PLEKHB2: variants seen among roughly 807,000 people sequenced by gnomAD.
PLEKHB2 encodes pleckstrin homology domain containing B2.
A neutral mutation model predicts 36.5 loss-of-function variants in PLEKHB2; 31 were observed. The ratio of observed to expected loss-of-function variants is 0.85; its 90% CI spans 0.64 to 1.15. PLEKHB2 has a LOEUF of 1.15. PLEKHB2 is among the 50% of genes most tolerant of loss of function. The pLI is 0.00. For synonymous variants in PLEKHB2, 119 were observed against 112.0 expected, an observed-to-expected ratio of 1.06 and a Z score of -0.39; for missense variants, 262 against 295.3, an observed-to-expected ratio of 0.89 and a Z score of 0.83.
chr2:131,130,535 C>T (rs1449681740), intron 4 of PLEKHB2, among the ~76,000 whole-genome samples, 186 bp from the exon 5 acceptor site: 1 of 152,110 alleles, frequency 6.6e-6, no homozygotes, highest in Non-Finnish European at 1.5e-5. Flanking sequence ...TTAAATATTA[C>T]ATATCTATTA....
At chr2:131,142,501 A>G (rs1381254279) in intron 7 of PLEKHB2, among the ~76,000 whole-genome samples, 1 of 150,680 alleles carries the variant, frequency 6.6e-6, no homozygotes, top group African/African-American at 2.4e-5. Context: ...TATTGTAGAT[A>G]CTTCTTTGAA....
At position 131,132,913 on chromosome 2, in the gene PLEKHB2, C is replaced by T; in HGVS notation, c.345C>T (p.Gly115=). ...QDSRTNTAYV[G]SAVMTDETSV... ...CCTGTCTCCCGCAGGCGTATGTGGGCTCTGCAGTCATGACCGATGAGACAT... is the reference window on the plus strand; with the variant it reads ...CCTGTCTCCCGCAGGCGTATGTGGGTTCTGCAGTCATGACCGATGAGACAT... The change falls in exon 6 of 8, where the codon GGC becomes GGT. Residue 115 remains glycine, a synonymous_variant. Transcript: ENST00000693505. The T allele has an allele frequency of 1.2e-6, 2 of 1,608,550 alleles. No homozygotes were observed. Among genetic ancestry groups the T allele is most frequent in the Non-Finnish European group, 1.7e-6 (2 of 1,174,920 alleles).
intron 1 of PLEKHB2, among the ~76,000 whole-genome samples, chr2:131,109,348 T>C (rs568306614): frequency 6.6e-6 from 1 of 152,218 alleles, no homozygotes; most frequent in Non-Finnish European, 1.5e-5. Flanking sequence ...ATTCAGGTTA[T>C]TGTTTACATG....
intron 1 of PLEKHB2, among the ~76,000 whole-genome samples, chr2:131,108,235 T>C (rs1478343808): frequency 6.6e-6 from 1 of 152,220 alleles, no homozygotes; most frequent in African/African-American, 2.4e-5. Context: ...AATTCAAATT[T>C]AAAATAATTT....
intron 4 of PLEKHB2, chr2:131,127,027 C>A: frequency 2.4e-6 from 1 of 423,858 alleles, no homozygotes; most frequent in Non-Finnish European, 4.2e-6. Flanking sequence ...TCTCATCATG[C>A]TGTCTTTCAT....
intron 3 of PLEKHB2, 66 bp downstream of exon 3, chr2:131,125,971 C>G: frequency 6.9e-7 from 1 of 1,453,608 alleles, no homozygotes; most frequent in Non-Finnish European, 9.5e-7. Context: ...GGAGCTTGGT[C>G]CTCTTCCTTC....
At chr2:131,109,170 A>G (rs1454953624) in intron 1 of PLEKHB2, among the ~76,000 whole-genome samples, 4 of 152,152 alleles carry the variant, frequency 2.6e-5, no homozygotes, top group Non-Finnish European at 4.4e-5. Context: ...TCGTCTCTAC[A>G]AAAACAAAAC....
intron 7 of PLEKHB2, among the ~76,000 whole-genome samples, chr2:131,143,591 C>T (rs968240067): frequency 6.6e-6 from 1 of 152,202 alleles, no homozygotes; most frequent in African/African-American, 2.4e-5. Context: ...GTTACTGATG[C>T]AGTGGTTTAT....
chr2:131,140,254 CCCTA>C lies in PLEKHB2; in HGVS notation c.514_517del (p.Tyr172SerfsTer43), dbSNP rs749615378. On this transcript the variant is annotated frameshift_variant, in exon 7 of 8. Coordinates refer to ENST00000693505, the MANE Select transcript of PLEKHB2 (RefSeq NM_001100623.2). LOFTEE classifies it high-confidence loss of function. ...TGCGAATGGGCAGGCGTATGCCGTG[CCCTA>C]CCAGTACCCATATGCAGGTAACTCA... 1.2e-6 allele frequency: 2 copies of C among 1,605,072 alleles called. No individual in the cohort carries two copies. Among genetic ancestry groups the C allele is most frequent in the Non-Finnish European group, 1.7e-6 (2 of 1,172,090 alleles).
chr2:131,125,944 C>T (rs757356960), intron 3 of PLEKHB2, 39 bp downstream of exon 3: 2 of 1,588,810 alleles, frequency 1.3e-6, no homozygotes, highest in Non-Finnish European at 1.7e-6. Context: ...GTCTTCTGCT[C>T]TTCCTCTGTC....
chr2:131,119,478 C>T (rs531922895), intron 1 of PLEKHB2, among the ~76,000 whole-genome samples: 1 of 152,304 alleles, frequency 6.6e-6, no homozygotes, highest in Admixed American at 6.5e-5. Context: ...GGTACCCGCT[C>T]AGCAGTCCTC....
chr2:131,121,832 A>T (rs1696546800), intron 2 of PLEKHB2, among the ~76,000 whole-genome samples: 1 of 152,080 alleles, frequency 6.6e-6, no homozygotes, highest in African/African-American at 2.4e-5. Flanking sequence ...ATCTCTGCAA[A>T]CCTGTCTTTC....
At chr2:131,120,832 C>A (rs1490619440) in intron 1 of PLEKHB2, 102 bp from the exon 2 acceptor site, 8 of 1,212,396 alleles carry the variant, frequency 6.6e-6, no homozygotes, top group Non-Finnish European at 8.5e-6. Flanking sequence ...GCCTTGGGCC[C>A]TTCCTCAGCT....
At chr2:131,115,732 CTTAG>C (rs1211595345) in intron 1 of PLEKHB2, among the ~76,000 whole-genome samples, 1 of 152,086 alleles carries the variant, frequency 6.6e-6, no homozygotes, top group Non-Finnish European at 1.5e-5. Flanking sequence ...ACCTTTCAGC[CTTAG>C]TTGGTTGTAA....
chr2:131,125,717 A>G, intron 2 of PLEKHB2, 36 bp from the exon 3 acceptor site: 1 of 1,555,542 alleles, frequency 6.4e-7, no homozygotes, highest in South Asian at 1.2e-5. Flanking sequence ...CTGTCTCTAA[A>G]AAAAAAAAAA....
intron 5 of PLEKHB2, among the ~76,000 whole-genome samples, chr2:131,131,125 G>A (rs747384479): frequency 5.9e-5 from 9 of 152,164 alleles, no homozygotes; most frequent in Non-Finnish European, 1.3e-4. Context: ...TGTAACAATT[G>A]GAGAATGGGG....
intron 7 of PLEKHB2, chr2:131,144,262 G>A (rs1054302934): frequency 5.5e-6 from 2 of 360,832 alleles, no homozygotes; most frequent in Non-Finnish European, 9.9e-6. Context: ...AATTGAGAAA[G>A]TACAGAGTAC....
chr2:131,146,351 C>T (rs913412030), intron 7 of PLEKHB2, among the ~76,000 whole-genome samples: 2 of 152,048 alleles, frequency 1.3e-5, no homozygotes, highest in Non-Finnish European at 2.9e-5. Flanking sequence ...AGCATGGTGT[C>T]GAGGGCTGAA....
Position 131,146,949 on chromosome 2 carries a change from T to C in PLEKHB2, c.*176T>C, listed in dbSNP as rs1020691411. 2.0e-6 allele frequency: 1 copy of C among 503,044 alleles called. No homozygotes were observed. The highest frequency in any genetic ancestry group is 3.4e-6 in the Non-Finnish European group (1 of 297,730). The allele number at this position is 503,044 out of a possible 1,614,324, so 31.2% of individuals were successfully genotyped here. On this transcript the variant is annotated 3_prime_UTR_variant, in exon 8 of 8. Coordinates refer to ENST00000693505, the MANE Select transcript of PLEKHB2 (RefSeq NM_001100623.2). The stretch of plus-strand genomic sequence containing the variant: ...AAGTACCACAGAGAAGGGTTTGAAC[T>C]GTGCTATTTTGTTCAAATGTTGACT...
Sources: allele counts gnomAD v4.1 joint callset (sites outside exome capture counted in the v4.1 genomes callset), GRCh38; gene constraint gnomAD v4.1.1; transcripts MANE v1.5; gene names NCBI Gene and HGNC (gene_info 2026-07-23, HGNC 2026-07-21).